TESK2: variants seen among roughly 807,000 people sequenced by gnomAD.
TESK2 encodes the protein testis associated actin remodelling kinase 2, also known as dual specificity testis-specific protein kinase 2.
Under a neutral mutation model 57.1 loss-of-function variants are expected in TESK2, and 39 were observed. The observed-to-expected ratio is 0.68, with a 90% confidence interval of 0.53 to 0.89. The LOEUF (loss-of-function observed/expected upper bound fraction) is 0.89, where lower values mean the gene tolerates loss of function less well. Among genes scored for constraint, TESK2 ranks in the 40% least tolerant of loss-of-function variants. The pLI, the probability that TESK2 is intolerant of heterozygous loss-of-function variation, is 0.00. For missense variants in TESK2, 646 were observed against 732.1 expected (o/e 0.88, Z 1.36); for synonymous variants, 249 against 267.9 (o/e 0.93, Z 0.69).
chr1:45,417,234 C>G (rs559613169), intron 3 of TESK2, among the ~76,000 whole-genome samples: 19 of 152,106 alleles, frequency 1.2e-4, no homozygotes, highest in African/African-American at 4.6e-4. Context: ...GTATTTCCTT[C>G]TTTTTTGTTG....
intron 1 of TESK2, among the ~76,000 whole-genome samples, chr1:45,475,063 C>CAA (rs58542898): frequency 3.5e-4 from 31 of 87,418 alleles, no homozygotes; most frequent in Non-Finnish European, 5.0e-4. Context: ...GACTCTATCT[C>CAA]AAAAAAAAAA....
intron 3 of TESK2, among the ~76,000 whole-genome samples, chr1:45,405,426 A>G (rs1485678689): frequency 1.3e-5 from 2 of 152,220 alleles, no homozygotes; most frequent in East Asian, 3.9e-4. Context: ...TTGACAAACA[A>G]AAAACCTAAT....
chr1:45,405,947 T>A (rs1649829298), intron 3 of TESK2, among the ~76,000 whole-genome samples: 1 of 151,472 alleles, frequency 6.6e-6, no homozygotes, highest in South Asian at 2.1e-4. Flanking sequence ...ACCCAGCTGG[T>A]TGCAGTGGCT....
intron 2 of TESK2, among the ~76,000 whole-genome samples, chr1:45,436,277 C>G (rs1651218363): frequency 7.1e-6 from 1 of 141,284 alleles, no homozygotes; most frequent in South Asian, 2.3e-4. Flanking sequence ...CTCCACCTCC[C>G]AGGCTCAAGC....
intron 4 of TESK2, among the ~76,000 whole-genome samples, chr1:45,385,708 G>GTATA (rs1485375534): frequency 4.1e-5 from 5 of 123,452 alleles, no homozygotes; most frequent in Non-Finnish European, 8.4e-5. Context: ...GTGTGTGTGT[G>GTATA]TGTATATATA....
chr1:45,446,378 T>C (rs1651649903), intron 2 of TESK2, among the ~76,000 whole-genome samples: 1 of 151,998 alleles, frequency 6.6e-6, no homozygotes, highest in Non-Finnish European at 1.5e-5. Context: ...GGAGGATCCC[T>C]TGAGCCAAGG....
chr1:45,366,672 A>G (rs924669272), intron 4 of TESK2, among the ~76,000 whole-genome samples: 3 of 152,186 alleles, frequency 2.0e-5, no homozygotes, highest in Admixed American at 2.0e-4. Flanking sequence ...ATTGTTGAAC[A>G]AACAAATACA....
chr1:45,403,588 C>T (rs1307473039), intron 3 of TESK2, among the ~76,000 whole-genome samples: 12 of 152,134 alleles, frequency 7.9e-5, no homozygotes, highest in Non-Finnish European at 2.9e-5. Context: ...ACAAACATTG[C>T]TTAGCAATCA....
intron 3 of TESK2, among the ~76,000 whole-genome samples, chr1:45,403,898 A>AAAAC (rs1308447460): frequency 1.3e-5 from 2 of 151,758 alleles, no homozygotes; most frequent in African/African-American, 4.8e-5. Context: ...AAAAAAAAAA[A>AAAAC]ACAAGTCTCC....
intron 1 of TESK2, among the ~76,000 whole-genome samples, chr1:45,461,291 T>G (rs1162416457): frequency 6.6e-6 from 1 of 152,046 alleles, no homozygotes. Context: ...AGGCAGAGAT[T>G]GCAGTGAGCT....
intron 3 of TESK2, chr1:45,399,001 A>AAC (rs1557557858): frequency 1.1e-5 from 5 of 435,326 alleles, no homozygotes; most frequent in East Asian, 7.0e-5. Context: ...AAAAAAAAAA[A>AAC]AAAAAACAAG....
intron 1 of TESK2, among the ~76,000 whole-genome samples, chr1:45,480,226 C>T (rs12729715): frequency 0.44 from 65,980 of 150,718 alleles, 14,607 homozygotes; most frequent in East Asian, 0.57. Context: ...TTTGGGAGGC[C>T]GAGGTGGGCG....
intron 3 of TESK2, among the ~76,000 whole-genome samples, chr1:45,418,525 C>A (rs918444639): frequency 1.3e-5 from 2 of 152,226 alleles, no homozygotes; most frequent in Non-Finnish European, 2.9e-5. Context: ...ACTATCCTAT[C>A]AAATCCTCAG....
At chr1:45,415,439 A>G in intron 3 of TESK2, 1 of 653,416 alleles carries the variant, frequency 1.5e-6, no homozygotes, top group East Asian at 2.7e-5. Context: ...ATATCCCATA[A>G]TCTTTGTGCT....
At chr1:45,373,377 A>G (rs752062967) in intron 4 of TESK2, among the ~76,000 whole-genome samples, 26 of 152,214 alleles carry the variant, frequency 1.7e-4, no homozygotes, top group Non-Finnish European at 2.6e-4. Context: ...ATAAAGGAAA[A>G]GGAAACTATC....
intron 1 of TESK2, among the ~76,000 whole-genome samples, chr1:45,474,187 A>G (rs1652882052): frequency 1.3e-5 from 2 of 152,070 alleles, no homozygotes; most frequent in Admixed American, 1.3e-4. Context: ...TACACAAAAA[A>G]TTAGCCAGGT....
chr1:45,386,436 AGAAAGG>A lies in TESK2; in HGVS notation c.345-482_345-477del, dbSNP rs201451135. On this transcript the variant is annotated intron_variant, in intron 3 of 10. Coordinates refer to ENST00000372086, the MANE Select transcript of TESK2 (RefSeq NM_007170.3). ...AAGGAAGGGAAAGGGAAAGGCAAAG[AGAAAGG>A]GAAAGGGAAAGGAAAGGAAGAAAGA... 5.2e-3 allele frequency among the ~76,000 whole-genome samples: 790 copies of A among 150,818 alleles called. 7 individuals are homozygous for A. The highest frequency in any genetic ancestry group is 0.018 in the African/African-American group (757 of 41,170).
At chr1:45,486,815 A>ACACACACACACACACACC (rs1653498746) in intron 1 of TESK2, among the ~76,000 whole-genome samples, 1 of 148,954 alleles carries the variant, frequency 6.7e-6, no homozygotes, top group Non-Finnish European at 1.5e-5. Flanking sequence ...ACACACACAC[A>ACACACACACACACACACC]CACATATATA....
At chr1:45,390,553 T>C (rs1167306573) in intron 3 of TESK2, among the ~76,000 whole-genome samples, 1 of 151,480 alleles carries the variant, frequency 6.6e-6, no homozygotes, top group Non-Finnish European at 1.5e-5. Context: ...AAGAATAGGT[T>C]ACATTCTCTA....
Sources: gnomAD v4.1 joint callset for allele counts (sites outside exome capture counted in the v4.1 genomes callset) on GRCh38, gnomAD v4.1.1 for gene constraint, MANE v1.5 for transcripts, NCBI Gene and HGNC (gene_info 2026-07-23, HGNC 2026-07-21) for gene names.